CCDC171: variants seen among roughly 807,000 people sequenced by gnomAD.
CCDC171 encodes coiled-coil domain containing 171, also known as coiled-coil domain-containing protein 171.
CCDC171 carries 177 observed loss-of-function variants against 168.2 expected under a neutral mutation model. That is an observed-to-expected ratio of 1.05 (90% CI 0.93 to 1.19). The LOEUF (loss-of-function observed/expected upper bound fraction) is 1.19. Among genes scored for constraint, CCDC171 ranks in the 50% most tolerant of loss-of-function variants. The probability of loss-of-function intolerance (pLI) is 0.00; values close to 1 mark genes in which losing one functional copy is unlikely to be tolerated. For missense variants in CCDC171, 1,991 were observed against 1,539.0 expected (o/e 1.29, Z -4.91); for synonymous variants, 687 against 540.8 (o/e 1.27, Z -3.75).
intron 3 of CCDC171, among the ~76,000 whole-genome samples, chr9:16,009,483 C>T (rs1376788944): frequency 1.3e-5 from 2 of 152,126 alleles, no homozygotes; most frequent in African/African-American, 4.8e-5. Context: ...AGAGTTATGT[C>T]TTATTTCTCA....
At chr9:16,045,714 C>T (rs979466996) in intron 1 of CCDC171, among the ~76,000 whole-genome samples, 2 of 152,166 alleles carry the variant, frequency 1.3e-5, no homozygotes, top group African/African-American at 2.4e-5. Flanking sequence ...ATAGAACTGC[C>T]TGTCACTCAG....
chr9:15,744,774 C>T lies in CCDC171; in HGVS notation c.2551C>T (p.Pro851Ser). The T allele has an allele frequency of 6.2e-7, 1 of 1,605,542 alleles. No homozygotes were observed. The highest frequency in any genetic ancestry group is 8.5e-7 in the Non-Finnish European group (1 of 1,175,618). ...AGAGCCCCAAGACAAGCATAAATTTCCAAGTAAGATAATTTCTGCTTTTAA... is the reference window on the plus strand; with the variant it reads ...AGAGCCCCAAGACAAGCATAAATTTTCAAGTAAGATAATTTCTGCTTTTAA... Reference protein sequence around the residue: ...TGEPQDKHKFPKHQKEQLRCL... With the variant: ...TGEPQDKHKFSKHQKEQLRCL... Residue 851 changes from proline (P) to serine (S), a missense_variant, in exon 17 of 26, where the codon CCA becomes TCA. Pro to Ser is a moderately conservative substitution (Grantham distance 74). Coordinates refer to ENST00000380701, the MANE Select transcript of CCDC171 (RefSeq NM_173550.4).
At position 15,991,399 on chromosome 9, in the gene CCDC171, G is replaced by C. The variant is rs377720620; in HGVS notation, n.369-29190G>C. 1.2e-4 allele frequency among the ~76,000 whole-genome samples: 18 copies of C among 145,168 alleles called. No individual in the cohort carries two copies. In the South Asian group the frequency reaches 3.5e-3, roughly 28 times the overall value. On this transcript the variant is annotated intron_variant and non_coding_transcript_variant, in intron 3 of 9. Coordinates refer to the CCDC171 transcript ENST00000486641. ...AAACCGATGAGAACAAAGACACAAC[G>C]TACCAGAATCTCTGGGACACATTCA...
chr9:15,628,056 G>C (rs1282717658), intron 7 of CCDC171, among the ~76,000 whole-genome samples: 1 of 152,216 alleles, frequency 6.6e-6, no homozygotes, highest in Non-Finnish European at 1.5e-5. Context: ...AGCCAAGATG[G>C]CCGAATAGGA....
intron 18 of CCDC171, among the ~76,000 whole-genome samples, chr9:15,762,634 A>G (rs1218460381): frequency 6.6e-6 from 1 of 152,214 alleles, no homozygotes; most frequent in African/African-American, 2.4e-5. Context: ...CAGACATAGG[A>G]CTTTTTCTTT....
chr9:15,885,424 T>C (rs1335803570), intron 24 of CCDC171: 1 of 152,182 alleles, frequency 6.6e-6, no homozygotes, highest in Non-Finnish European at 1.5e-5. Flanking sequence ...ACTAGAACTA[T>C]TATATCTTTT....
chr9:15,792,048 C>G (rs1411234120), intron 21 of CCDC171, among the ~76,000 whole-genome samples: 2 of 152,020 alleles, frequency 1.3e-5, no homozygotes, highest in Admixed American at 1.3e-4. Flanking sequence ...AAGTTGGAAC[C>G]CATCGCAAAG....
At chr9:15,858,157 A>G (rs1378225489) in intron 23 of CCDC171, among the ~76,000 whole-genome samples, 4 of 151,866 alleles carry the variant, frequency 2.6e-5, no homozygotes, top group Admixed American at 1.3e-4. Flanking sequence ...AGCTGGGACT[A>G]TAGGCACACA....
intron 6 of CCDC171, among the ~76,000 whole-genome samples, chr9:16,030,744 A>G (rs1215198595): frequency 2.0e-5 from 3 of 152,226 alleles, no homozygotes; most frequent in Non-Finnish European, 4.4e-5. Context: ...GCTGTAGGGC[A>G]TGGTTTGTGG....
intron 6 of CCDC171, among the ~76,000 whole-genome samples, chr9:15,601,483 T>C (rs1009735878): frequency 3.3e-5 from 5 of 152,202 alleles, no homozygotes; most frequent in African/African-American, 1.2e-4. Context: ...GTATTCTGTT[T>C]GTAGTTTGTG....
At chr9:16,066,991 T>C in the CCDC171 span, among the ~76,000 whole-genome samples, 2 of 152,060 alleles carry the variant, frequency 1.3e-5, no homozygotes, top group East Asian at 3.9e-4. Context: ...ATGGGATGGC[T>C]GGGTCAAATG....
chr9:15,745,228 A>C (rs371398826), intron 17 of CCDC171, among the ~76,000 whole-genome samples: 1 of 152,242 alleles, frequency 6.6e-6, no homozygotes, highest in Non-Finnish European at 1.5e-5. Context: ...TTTTGAATGC[A>C]TAACTATTTT....
chr9:15,971,411 A>C (rs2132811668), intron 25 of CCDC171, among the ~76,000 whole-genome samples, 198 bp from the exon 26 acceptor site: 1 of 152,298 alleles, frequency 6.6e-6, no homozygotes, highest in African/African-American at 2.4e-5. Context: ...AAGTTCAGAA[A>C]AGAGTAAATA....
intron 24 of CCDC171, among the ~76,000 whole-genome samples, chr9:15,905,612 A>G (rs1252513010): frequency 1.3e-5 from 2 of 152,208 alleles, no homozygotes; most frequent in African/African-American, 2.4e-5. Context: ...AATTAAAAGA[A>G]CTAGAGAAGC....
chr9:15,794,272 C>T (rs2058434078), intron 21 of CCDC171, among the ~76,000 whole-genome samples: 1 of 152,076 alleles, frequency 6.6e-6, no homozygotes, highest in Admixed American at 6.5e-5. Flanking sequence ...CAAAAGCAGC[C>T]TGGCCAACAT....
At chr9:15,625,033 T>C (rs1259574734) in intron 7 of CCDC171, among the ~76,000 whole-genome samples, 5 of 152,342 alleles carry the variant, frequency 3.3e-5, no homozygotes, top group Middle Eastern at 3.4e-3. Flanking sequence ...TGGTATCTCA[T>C]TGTGGTTTTG....
At chr9:15,989,522 C>G (rs1272194801) in intron 3 of CCDC171, among the ~76,000 whole-genome samples, 1 of 152,134 alleles carries the variant, frequency 6.6e-6, no homozygotes, top group Non-Finnish European at 1.5e-5. Flanking sequence ...CCGAGGGCCT[C>G]TCCCCCTCCA....
At chr9:15,645,587 C>T (rs1292579414) in intron 7 of CCDC171, among the ~76,000 whole-genome samples, 4 of 152,116 alleles carry the variant, frequency 2.6e-5, no homozygotes, top group Non-Finnish European at 5.9e-5. Flanking sequence ...GGCACGAGAA[C>T]TACGTGATGC....
intron 6 of CCDC171, among the ~76,000 whole-genome samples, chr9:16,030,734 G>A (rs1442775286): frequency 4.6e-5 from 7 of 152,140 alleles, no homozygotes; most frequent in African/African-American, 7.2e-5. Context: ...CCCTTCCCGC[G>A]CTGTAGGGCA....
Sources: gnomAD v4.1 joint callset for allele counts (sites outside exome capture counted in the v4.1 genomes callset) on GRCh38, gnomAD v4.1.1 for gene constraint, MANE v1.5 for transcripts, NCBI Gene and HGNC (gene_info 2026-07-23, HGNC 2026-07-21) for gene names.